GNPDA1: variants seen among roughly 807,000 people sequenced by gnomAD.
GNPDA1 encodes glucosamine-6-phosphate deaminase 1.
GNPDA1 carries 24 observed loss-of-function variants against 28.5 expected under a neutral mutation model. That is an observed-to-expected ratio of 0.84 (90% CI 0.61 to 1.19). GNPDA1 has a LOEUF of 1.19. Among genes scored for constraint, GNPDA1 ranks in the 50% most tolerant of loss-of-function variants. The probability of loss-of-function intolerance (pLI) is 0.00; values close to 1 mark genes in which losing one functional copy is unlikely to be tolerated. For synonymous variants in GNPDA1, 147 were observed against 139.3 expected (o/e 1.06, Z -0.39); for missense variants, 264 against 367.3 (o/e 0.72, Z 2.30).
At position 142,011,989 on chromosome 5, in the gene GNPDA1, G is replaced by C; in HGVS notation, c.47C>G (p.Ala16Gly). 6.2e-7 allele frequency: 1 copy of C among 1,612,328 alleles called. No homozygotes were observed. Among genetic ancestry groups the C allele is most frequent in the Non-Finnish European group, 8.5e-7 (1 of 1,178,502 alleles). ...GATGCGGTTCCTGATGTATTTAGCC[G>C]CCCACTCGCTCGCCTGAGAATAGTG... ...LEHYSQASEW[A>G]AKYIRNRIIQ... The change falls in exon 2 of 7, where the codon GCG becomes GGG. Residue 16 changes from alanine (A) to glycine (G), a missense_variant. Physicochemically the swap from Ala to Gly is moderately conservative, Grantham distance 60. Transcript: ENST00000311337.
chr5:142,012,309 A>G (rs1755980606), intron 1 of GNPDA1: 2 of 320,794 alleles, frequency 6.2e-6, no homozygotes, highest in African/African-American at 2.1e-5. Flanking sequence ...CCTCGGTCAA[A>G]GGACCTAAGT....
chr5:142,012,742 G>A, intron 1 of GNPDA1: 1 of 970,616 alleles, frequency 1.0e-6, no homozygotes, highest in South Asian at 4.8e-5. Context: ...GCTCCAGAAG[G>A]AGGACATTTT....
chr5:142,011,852 G>A, intron 2 of GNPDA1, 60 bp downstream of exon 2: 1 of 1,591,458 alleles, frequency 6.3e-7, no homozygotes. Flanking sequence ...GGTGTACCTG[G>A]CCCCTGTTGC....
At position 142,011,971 on chromosome 5, in the gene GNPDA1, T is replaced by A; in HGVS notation, c.65A>T (p.Asn22Ile). 2 of 1,613,412 alleles carry A rather than the reference T, an allele frequency of 1.2e-6. No homozygotes were observed. The highest frequency in any genetic ancestry group is 1.7e-6 in the Non-Finnish European group (2 of 1,179,426). The change falls in exon 2 of 7, where the codon AAC becomes ATC. Residue 22 changes from asparagine (N) to isoleucine (I), a missense_variant. By Grantham distance (149) the Asn-to-Ile change is moderately radical. Transcript: ENST00000311337. The part of the protein sequence containing the change: ...ASEWAAKYIR[N>I]RIIQFNPGPE... Reference sequence around the variant, plus strand: ...CCCTGGGTTAAACTGGATGATGCGGTTCCTGATGTATTTAGCCGCCCACTC... The same window carrying A: ...CCCTGGGTTAAACTGGATGATGCGGATCCTGATGTATTTAGCCGCCCACTC...
Position 142,012,049 on chromosome 5 carries a change from G to T in GNPDA1, c.-6-8C>A, listed in dbSNP as rs1237436484. 20 of 1,579,716 alleles carry T rather than the reference G, an allele frequency of 1.3e-5. No individual in the cohort carries two copies. Among genetic ancestry groups the T allele is most frequent in the Admixed American group, 5.0e-5 (3 of 59,566 alleles). ...GATGAGCTTCATCTTGTCCTGCAGT[G>T]GGGGAGAGGGGATGACAGAAAGGAA... is the stretch of plus-strand genomic sequence containing the variant. On this transcript the variant is annotated splice_polypyrimidine_tract_variant and splice_region_variant and intron_variant, in intron 1 of 6. Transcript: ENST00000311337.
At chr5:142,008,174 G>C (rs549844646) in intron 2 of GNPDA1, among the ~76,000 whole-genome samples, 31 of 152,362 alleles carry the variant, frequency 2.0e-4, no homozygotes, top group African/African-American at 7.2e-4. Flanking sequence ...AAATCACTCT[G>C]ATTAGTACCT....
Position 142,006,160 on chromosome 5 carries a change from G to A in GNPDA1, c.393C>T (p.Ile131=), listed in dbSNP as rs779534094. The change falls in exon 4 of 7, where the codon ATC becomes ATT. Residue 131 remains isoleucine (I), a synonymous_variant. Coordinates refer to ENST00000311337, the MANE Select transcript of GNPDA1 (RefSeq NM_005471.5). The part of the protein sequence containing the change: ...FEEKIKAAGG[I]ELFVGGIGPD... Reference sequence around the variant, plus strand: ...CAAGCTCACCTCCAACAAATAGCTCGATCCCACCTGCAGCCTTGATCTTCT... The same window carrying A: ...CAAGCTCACCTCCAACAAATAGCTCAATCCCACCTGCAGCCTTGATCTTCT... 6.2e-6 allele frequency: 10 copies of A among 1,613,276 alleles called. No homozygotes were observed. In the East Asian group the frequency reaches 6.7e-5, roughly 11 times the overall value.
rs372843736 is a variant in GNPDA1, at chr5:142,007,764, G to T, written c.226+35C>A. Reference sequence around the variant, plus strand: ...TGAGAGGAGGAGCATCACTCTCCTAGAATCAGGAAAGAACCTTGAAAGAGA... The same window carrying T: ...TGAGAGGAGGAGCATCACTCTCCTATAATCAGGAAAGAACCTTGAAAGAGA... On this transcript the variant is annotated intron_variant, in intron 3 of 6. Transcript: ENST00000311337. The T allele has an allele frequency of 7.8e-6, 10 of 1,279,554 alleles. No individual in the cohort carries two copies. The Admixed American group carries it at 8.4e-5, about 11-fold the overall frequency. 79.3% of individuals were successfully genotyped at this position (1,279,554 alleles called of 1,614,324 possible). A position where few individuals can be genotyped will look rare whatever the true frequency, so the allele number is the denominator to read the frequency against.
At chr5:142,011,774 G>T in intron 2 of GNPDA1, 138 bp downstream of exon 2, 1 of 902,684 alleles carries the variant, frequency 1.1e-6, no homozygotes, top group Non-Finnish European at 1.7e-6. Context: ...TATGTGGAAG[G>T]GGCAGGAAGG....
intron 4 of GNPDA1, among the ~76,000 whole-genome samples, chr5:142,005,602 G>A (rs1755783252): frequency 6.6e-6 from 1 of 152,268 alleles, no homozygotes; most frequent in Non-Finnish European, 1.5e-5. Flanking sequence ...CCACCTTGAA[G>A]TATAGAAGAG....
rs1755850256 is a variant in GNPDA1, at chr5:142,007,978, G to A, written c.125-78C>T. 1.0e-5 allele frequency: 8 copies of A among 790,146 alleles called. No homozygotes were observed. In the South Asian group the frequency reaches 1.1e-4, roughly 11 times the overall value. The allele number at this position is 790,146 out of a possible 1,614,324, so 48.9% of individuals were successfully genotyped here. ...CCAGAGGGTTCACAGGAATAAGTCA[G>A]GGCTGCTCACAGGGAGAACCTGTCA... On this transcript the variant is annotated intron_variant, in intron 2 of 6. Transcript: ENST00000311337.
intron 3 of GNPDA1, among the ~76,000 whole-genome samples, chr5:142,006,931 A>T (rs1367983786): frequency 6.6e-6 from 1 of 152,176 alleles, no homozygotes; most frequent in Admixed American, 6.5e-5. Flanking sequence ...ACAACAATGG[A>T]TGAACCTTGT....
At chr5:142,009,284 C>T (rs1156977077) in intron 2 of GNPDA1, among the ~76,000 whole-genome samples, 2 of 151,996 alleles carry the variant, frequency 1.3e-5, no homozygotes, top group Non-Finnish European at 2.9e-5. Context: ...CTCATTTCAC[C>T]CTCAGCAACA....
Position 142,005,131 on chromosome 5 carries a change from C to T in GNPDA1, c.410-15G>A. The T allele has an allele frequency of 1.3e-6, 2 of 1,564,620 alleles. No homozygotes were observed. The highest frequency in any genetic ancestry group is 1.8e-6 in the Non-Finnish European group (2 of 1,141,330). On this transcript the variant is annotated splice_polypyrimidine_tract_variant and intron_variant, in intron 4 of 6. Transcript: ENST00000311337. ...AGGGCCGATGCCTATAGGGAGAGAG[C>T]CCGTGCAGCCCTGTCAGTCCCAGGG...
Position 142,011,998 on chromosome 5 carries a change from C to T in GNPDA1, c.38G>A (p.Ser13Asn). The T allele has an allele frequency of 6.2e-7, 1 of 1,612,350 alleles. No individual in the cohort carries two copies. The highest frequency in any genetic ancestry group is 8.5e-7 in the Non-Finnish European group (1 of 1,178,518). The change falls in exon 2 of 7, where the codon AGC becomes AAC. Residue 13 changes from serine (S) to asparagine (N), a missense_variant. Transcript: ENST00000311337. The stretch of plus-strand genomic sequence containing the variant: ...CCTGATGTATTTAGCCGCCCACTCG[C>T]TCGCCTGAGAATAGTGCTCCAGGAT... ...LIILEHYSQASEWAAKYIRNR... is the reference protein window; with the variant it reads ...LIILEHYSQANEWAAKYIRNR...
intron 1 of GNPDA1, 158 bp from the exon 2 acceptor site, chr5:142,012,199 G>C: frequency 4.7e-6 from 3 of 642,404 alleles, no homozygotes; most frequent in South Asian, 2.5e-5. Context: ...GGAGCTAAGA[G>C]GCTAGGCCAG....
chr5:142,011,769 G>A (rs1755961514), intron 2 of GNPDA1, 143 bp downstream of exon 2: 2 of 829,552 alleles, frequency 2.4e-6, no homozygotes, highest in African/African-American at 3.4e-5. Context: ...CTTTGTATGT[G>A]GAAGGGGCAG....
At chr5:142,005,205 G>T in intron 4 of GNPDA1, 89 bp from the exon 5 acceptor site, 1 of 1,041,832 alleles carries the variant, frequency 9.6e-7, no homozygotes, top group Non-Finnish European at 1.4e-6. Flanking sequence ...ACTAGGGTCT[G>T]AAGAAAAATC....
rs252112 is a variant in GNPDA1 at position 142,003,544 on chromosome 5, A to G, written c.595-282T>C. ...CTACCACGTGACAGTGCCTCCAGGT[A>G]TCTTTGATGATGACTATGAAGGTGC... On this transcript the variant is annotated intron_variant, in intron 5 of 6. Transcript: ENST00000311337. The surrounding 1 kb of genome is among the most constrained non-coding windows in gnomAD (Gnocchi z 4.0). 0.55 allele frequency among the ~76,000 whole-genome samples: 83,126 copies of G among 151,980 alleles called. 24,229 individuals are homozygous for G. The highest frequency in any genetic ancestry group is 0.98 in the East Asian group (5,039 of 5,156).
Sources: gnomAD v4.1 joint callset for allele counts (sites outside exome capture counted in the v4.1 genomes callset) on GRCh38, gnomAD v4.1.1 for gene constraint, Gnocchi (gnomAD v3.1) non-coding constraint, MANE v1.5 for transcripts, NCBI Gene and HGNC (gene_info 2026-07-23, HGNC 2026-07-21) for gene names.